NAPB: variants seen among roughly 807,000 people sequenced by gnomAD.
NAPB encodes the protein beta-soluble NSF attachment protein.
A neutral mutation model predicts 44.7 loss-of-function variants in NAPB; 26 were observed. The ratio of observed to expected loss-of-function variants is 0.58; its 90% CI spans 0.43 to 0.81. The LOEUF (loss-of-function observed/expected upper bound fraction) is 0.81. Ranked by LOEUF, NAPB falls within the 30% of genes least tolerant of loss-of-function variation. The pLI, the probability that NAPB is intolerant of heterozygous loss-of-function variation, is 0.00. For synonymous variants in NAPB, 120 were observed against 116.8 expected (o/e 1.03, Z -0.18); for missense variants, 315 against 356.4 (o/e 0.88, Z 0.94).
At chr20:23,380,908 T>C (rs550229829) in intron 8 of NAPB, 1 of 249,764 alleles carries the variant, frequency 4.0e-6, no homozygotes, top group Non-Finnish European at 7.9e-6. Context: ...CCTATAGCAC[T>C]AAATATTCCC....
At chr20:23,418,647 G>C (rs1247645040) in intron 1 of NAPB, among the ~76,000 whole-genome samples, 1 of 152,056 alleles carries the variant, frequency 6.6e-6, no homozygotes, top group Non-Finnish European at 1.5e-5. Context: ...TTCATTAAAA[G>C]ATCAATGAGG....
chr20:23,421,234 G>T (rs1986402261), intron 1 of NAPB, 71 bp downstream of exon 1: 6 of 1,365,400 alleles, frequency 4.4e-6, no homozygotes, highest in East Asian at 2.7e-5. Context: ...GACTCGGGGG[G>T]TCAGCCTGAA....
In NAPB at chr20:23,377,088, G is replaced by A. The variant is rs6137913; in HGVS notation, c.*288C>T. 0.081 allele frequency: 16,327 copies of A among 201,842 alleles called. 980 individuals carry two copies. The highest frequency in any genetic ancestry group is 0.28 in the East Asian group (2,567 of 9,126). The allele number at this position is 201,842 out of a possible 1,614,324, so 12.5% of individuals were successfully genotyped here. A position where few individuals can be genotyped will look rare whatever the true frequency, so the allele number is the denominator to read the frequency against. ...AAACACGTGGCAACATTAAACATAG[G>A]CTCCACAAATACCAATGAAATATGA... On this transcript the variant is annotated 3_prime_UTR_variant, in exon 11 of 11. Coordinates refer to ENST00000377026, the MANE Select transcript of NAPB (RefSeq NM_022080.3).
Position 23,412,059 on chromosome 20 carries a change from A to G in NAPB, c.99-8987T>C, listed in dbSNP as rs78575388. On this transcript the variant is annotated intron_variant, in intron 1 of 10. Transcript: ENST00000377026. ...TCAAGCAGCTCTCATTAGAACTGTC[A>G]TAACAGCAAATAACCCTGACATCTC... is the stretch of plus-strand genomic sequence containing the variant. 1.6e-3 allele frequency among the ~76,000 whole-genome samples: 251 copies of G among 152,324 alleles called. 1 individual carries two copies. Among genetic ancestry groups the G allele is most frequent in the African/African-American group, 5.4e-3 (223 of 41,564 alleles).
At position 23,384,218 on chromosome 20, in the gene NAPB, G is replaced by A. The variant is rs1983279797; in HGVS notation, c.562-2901C>T. On this transcript the variant is annotated intron_variant, in intron 7 of 10. Transcript: ENST00000377026. ...GATTTTGATATATGAGAGAGGTCCTGGAACTAATCCCCTGTAGACACTGAG... is the reference window on the plus strand; with the variant it reads ...GATTTTGATATATGAGAGAGGTCCTAGAACTAATCCCCTGTAGACACTGAG... 2.0e-5 allele frequency among the ~76,000 whole-genome samples: 3 copies of A among 152,132 alleles called. No homozygotes were observed. The South Asian group carries it at 6.2e-4, about 32-fold the overall frequency.
chr20:23,381,065 G>A (rs1332978723), intron 8 of NAPB, 148 bp downstream of exon 8: 4 of 602,904 alleles, frequency 6.6e-6, no homozygotes, highest in South Asian at 1.9e-5. Flanking sequence ...ATTACAACTG[G>A]GACACATACC....
At chr20:23,391,436 G>A (rs1488560132) in intron 5 of NAPB, among the ~76,000 whole-genome samples, 1 of 152,224 alleles carries the variant, frequency 6.6e-6, no homozygotes, top group Non-Finnish European at 1.5e-5. Context: ...GCTGAACTCT[G>A]CAAAGAATCA....
intron 1 of NAPB, among the ~76,000 whole-genome samples, chr20:23,412,050 A>G (rs1985692640): frequency 6.6e-6 from 1 of 152,218 alleles, no homozygotes; most frequent in Non-Finnish European, 1.5e-5. Flanking sequence ...AGCTCTCATT[A>G]GAACTGTCAT....
intron 1 of NAPB, among the ~76,000 whole-genome samples, chr20:23,419,515 C>A (rs1362992586): frequency 3.9e-5 from 6 of 152,202 alleles, no homozygotes; most frequent in African/African-American, 1.2e-4. Context: ...TTTCCTCTGC[C>A]AGTTACAGAC....
At chr20:23,389,390 C>T (rs562988796) in intron 7 of NAPB, among the ~76,000 whole-genome samples, 33 of 152,134 alleles carry the variant, frequency 2.2e-4, no homozygotes, top group Non-Finnish European at 4.0e-4. Context: ...CATGGTCCAG[C>T]AACTGCAATT....
At chr20:23,390,673 C>T (rs1983877901) in intron 5 of NAPB, among the ~76,000 whole-genome samples, 1 of 152,226 alleles carries the variant, frequency 6.6e-6, no homozygotes, top group Non-Finnish European at 1.5e-5. Flanking sequence ...CAGAGTGACA[C>T]TGTAAGCTAG....
chr20:23,377,275 G>A lies in NAPB; in HGVS notation c.*101C>T. On this transcript the variant is annotated 3_prime_UTR_variant, in exon 11 of 11. Transcript: ENST00000377026. The stretch of plus-strand genomic sequence containing the variant: ...AATACACAGGCCGTCTGGCTCATAT[G>A]CAACAAAATTAAGCCATTAAATAGG... 1.6e-6 allele frequency: 1 copy of A among 623,856 alleles called. No homozygotes were observed. The highest frequency in any genetic ancestry group is 2.7e-6 in the Non-Finnish European group (1 of 375,306). The allele number at this position is 623,856 out of a possible 1,614,324, so 38.6% of individuals were successfully genotyped here. A position where few individuals can be genotyped will look rare whatever the true frequency, so the allele number is the denominator to read the frequency against.
intron 1 of NAPB, among the ~76,000 whole-genome samples, chr20:23,412,997 A>C (rs1437305146): frequency 1.3e-5 from 2 of 152,164 alleles, no homozygotes; most frequent in Non-Finnish European, 2.9e-5. Flanking sequence ...CTCCAAAAAA[A>C]TAAAGTGTAC....
At chr20:23,384,272 A>G (rs1244032419) in intron 7 of NAPB, among the ~76,000 whole-genome samples, 1 of 152,190 alleles carries the variant, frequency 6.6e-6, no homozygotes, top group African/African-American at 2.4e-5. Flanking sequence ...ACACTGGAAA[A>G]TCAAGTAGGC....
Position 23,414,408 on chromosome 20 carries a change from G to A in NAPB, c.98+6897C>T, listed in dbSNP as rs8114064. ...CCTGAGAGGTTTACTCCAGGAGTGC[G>A]AGGACAGTACAATACGAGGCCTCAT... On this transcript the variant is annotated intron_variant, in intron 1 of 10. Coordinates refer to ENST00000377026, the MANE Select transcript of NAPB (RefSeq NM_022080.3). Among the ~76,000 whole-genome samples, 210 of 152,228 alleles carry A rather than the reference G, an allele frequency of 1.4e-3. 1 individual carries two copies. Among genetic ancestry groups the A allele is most frequent in the African/African-American group, 4.6e-3 (192 of 41,564 alleles).
chr20:23,381,237 G>GA lies in NAPB; in HGVS notation c.641dup (p.Ile215HisfsTer12). ...CCTTGGCATTCAACTCGTCTACTAT[G>GA]AAGTGGCAGAGGGCAGCTTTGAAGA... On this transcript the variant is annotated frameshift_variant, in exon 8 of 11. Transcript: ENST00000377026. LOFTEE classifies it high-confidence loss of function. 6.2e-7 allele frequency: 1 copy of GA among 1,613,474 alleles called. No individual in the cohort carries two copies. Among genetic ancestry groups the GA allele is most frequent in the Non-Finnish European group, 8.5e-7 (1 of 1,179,634 alleles).
At chr20:23,399,429 C>T (rs773655241) in intron 2 of NAPB, among the ~76,000 whole-genome samples, 9 of 152,130 alleles carry the variant, frequency 5.9e-5, no homozygotes, top group South Asian at 2.1e-4. Flanking sequence ...AAGGCGCCAT[C>T]GTGGAAGGTG....
intron 2 of NAPB, 67 bp from the exon 3 acceptor site, chr20:23,397,255 AC>A (rs1235025426): frequency 6.6e-7 from 1 of 1,506,414 alleles, no homozygotes; most frequent in Non-Finnish European, 9.0e-7. Flanking sequence ...TGCTGTAAGC[AC>A]TGGACCTCCC....
intron 2 of NAPB, among the ~76,000 whole-genome samples, chr20:23,400,509 C>A (rs2123212376): frequency 6.6e-6 from 1 of 152,146 alleles, no homozygotes; most frequent in African/African-American, 2.4e-5. Context: ...GAGCAAGACT[C>A]CATTCTCGGA....
Sources: gnomAD v4.1 joint callset for allele counts (sites outside exome capture counted in the v4.1 genomes callset) on GRCh38, gnomAD v4.1.1 for gene constraint, MANE v1.5 for transcripts, NCBI Gene and HGNC (gene_info 2026-07-23, HGNC 2026-07-21) for gene names.